FLVCR2: variants seen among roughly 807,000 people sequenced by gnomAD.
FLVCR2 encodes choline/ethanolamine transporter FLVCR2.
In FLVCR2, 38 loss-of-function variants were observed where a neutral mutation model predicts 48.9. That is an observed-to-expected ratio of 0.78 (90% CI 0.60 to 1.02). FLVCR2 has a LOEUF of 1.02. FLVCR2 is among the 50% of genes least tolerant of loss of function. The pLI, the probability that FLVCR2 is intolerant of heterozygous loss-of-function variation, is 0.00. For missense variants in FLVCR2, 664 were observed against 663.3 expected, an observed-to-expected ratio of 1.00 and a Z score of -0.01; for synonymous variants, 255 against 257.0, an observed-to-expected ratio of 0.99 and a Z score of 0.07.
chr14:75,579,583 T>G lies in FLVCR2; in HGVS notation c.611T>G (p.Val204Gly). The G allele has an allele frequency of 6.2e-7, 1 of 1,613,924 alleles. No individual in the cohort carries two copies. The highest frequency in any genetic ancestry group is 1.6e-4 in the Middle Eastern group (1 of 6,084). ...GGCATGCCCTCCCGCATCGCTTCCG[T>G]CTGGTTCGGGGCTAATGAGGTTTCA... is the stretch of plus-strand genomic sequence containing the variant. ...ILGMPSRIAS[V>G]WFGANEVSTA... The change falls in exon 1 of 10, where the codon GTC becomes GGC. Residue 204 changes from valine to glycine, a missense_variant. Transcript: ENST00000238667.
intron 1 of FLVCR2, chr14:75,605,614 T>G: frequency 6.5e-7 from 1 of 1,536,104 alleles, no homozygotes; most frequent in Admixed American, 2.0e-5. Context: ...TGTAGAAGCG[T>G]GAGACAGGAG....
At chr14:75,642,102 C>A (rs903240924) in intron 9 of FLVCR2, 1 of 604,780 alleles carries the variant, frequency 1.7e-6, no homozygotes, top group Non-Finnish European at 3.0e-6. Flanking sequence ...GCTACCCTTT[C>A]TTGGACTCTT....
chr14:75,595,898 T>G, intron 1 of FLVCR2: 1 of 1,115,116 alleles, frequency 9.0e-7, no homozygotes. Flanking sequence ...ATTGCTTTCT[T>G]GAGGTCTTTT....
At position 75,578,993 on chromosome 14, in the gene FLVCR2, C is replaced by T; in HGVS notation, c.21C>T (p.Asn7=). 6.2e-7 allele frequency: 1 copy of T among 1,614,144 alleles called. No homozygotes were observed. Among genetic ancestry groups the T allele is most frequent in the East Asian group, 2.2e-5 (1 of 44,884 alleles). ...TGGCGATGGTGAATGAAGGTCCCAA[C>T]CAGGAAGAGAGCGATGACACCCCTG... MVNEGP[N]QEESDDTPVP... Residue 7 remains asparagine, a synonymous_variant, in exon 1 of 10, where the codon AAC becomes AAT. Coordinates refer to ENST00000238667, the MANE Select transcript of FLVCR2 (RefSeq NM_017791.3).
intron 1 of FLVCR2, among the ~76,000 whole-genome samples, chr14:75,588,663 G>C (rs1365297711): frequency 1.3e-5 from 2 of 152,152 alleles, no homozygotes; most frequent in African/African-American, 2.4e-5. Context: ...ATTTTTAGGA[G>C]AGATAGGGTT....
Position 75,581,182 on chromosome 14 carries a change from G to A in FLVCR2, c.669+1541G>A, listed in dbSNP as rs528135769. 5.8e-4 allele frequency among the ~76,000 whole-genome samples: 89 copies of A among 152,166 alleles called. 1 individual carries two copies. The highest frequency in any genetic ancestry group is 2.0e-3 in the African/African-American group (83 of 41,498). ...GAATGATTGGTGATGGCCTGGATGC[G>A]GTTTTGTATGAATTGAGAAACTAAA... is the stretch of plus-strand genomic sequence containing the variant. On this transcript the variant is annotated intron_variant, in intron 1 of 9. Transcript: ENST00000238667.
intron 5 of FLVCR2, among the ~76,000 whole-genome samples, chr14:75,637,356 C>A (rs538844694): frequency 6.6e-6 from 1 of 152,316 alleles, no homozygotes; most frequent in Admixed American, 6.5e-5. Flanking sequence ...TGGAGGGTTT[C>A]GTTTGACACA....
At position 75,641,057 on chromosome 14, in the gene FLVCR2, A is replaced by C. The variant is rs566141815; in HGVS notation, c.1338A>C (p.Ala446=). The change falls in exon 7 of 10, where the codon GCA becomes GCC. Residue 446 remains alanine (A), a synonymous_variant. Coordinates refer to ENST00000238667, the MANE Select transcript of FLVCR2 (RefSeq NM_017791.3). ...CCTCCGGCCTCCTCAACATATCTGC[A>C]CAGGTAGAGCTCGTATTTCCTGTTT... ...GISSGLLNIS[A]QVFGIIFTIS... The C allele has an allele frequency of 1.2e-6, 2 of 1,611,828 alleles. No individual in the cohort carries two copies. The highest frequency in any genetic ancestry group is 2.2e-5 in the South Asian group (2 of 91,026).
At chr14:75,588,665 G>A (rs544650740) in intron 1 of FLVCR2, among the ~76,000 whole-genome samples, 2 of 152,272 alleles carry the variant, frequency 1.3e-5, no homozygotes, top group South Asian at 4.1e-4. Flanking sequence ...TTTTAGGAGA[G>A]ATAGGGTTTC....
chr14:75,609,861 A>T (rs1889393522), intron 1 of FLVCR2, among the ~76,000 whole-genome samples: 1 of 144,956 alleles, frequency 6.9e-6, no homozygotes, highest in African/African-American at 2.5e-5. Flanking sequence ...GGGCTGTTTT[A>T]TCTGTCAAAG....
rs554850235 is a variant in FLVCR2 at position 75,637,459 on chromosome 14, G to A, written c.1125-1893G>A. ...TTAAAGATTTTGGCCAGGTGCGGTG[G>A]CTCACGCCTGTAATCCCAGCACTTT... On this transcript the variant is annotated intron_variant, in intron 5 of 9. Transcript: ENST00000238667. 2.6e-5 allele frequency among the ~76,000 whole-genome samples: 4 copies of A among 152,312 alleles called. No homozygotes were observed. In the East Asian group the frequency reaches 5.8e-4, roughly 22 times the overall value.
chr14:75,627,259 A>C (rs1889922706), intron 3 of FLVCR2, among the ~76,000 whole-genome samples: 1 of 151,374 alleles, frequency 6.6e-6, no homozygotes, highest in Non-Finnish European at 1.5e-5. Flanking sequence ...ATAAATAGGA[A>C]AGCACTTCTT....
At position 75,581,458 on chromosome 14, in the gene FLVCR2, G is replaced by A. The variant is rs529435088; in HGVS notation, c.669+1817G>A. Among the ~76,000 whole-genome samples, 552 of 152,254 alleles carry A rather than the reference G, an allele frequency of 3.6e-3. 2 individuals carry two copies. Among genetic ancestry groups the A allele is most frequent in the Non-Finnish European group, 5.9e-3 (404 of 68,026 alleles). On this transcript the variant is annotated intron_variant, in intron 1 of 9. Coordinates refer to ENST00000238667, the MANE Select transcript of FLVCR2 (RefSeq NM_017791.3). ...CCATTCTACCTTTCTTGAAGATTGA[G>A]GACGGTAAGGGGTATGAAGGTTTTA...
At chr14:75,626,361 T>C (rs1041814935) in intron 3 of FLVCR2, among the ~76,000 whole-genome samples, 1 of 151,978 alleles carries the variant, frequency 6.6e-6, no homozygotes, top group South Asian at 2.1e-4. Flanking sequence ...CAGAGTTTCA[T>C]TTTAGGCTCA....
At chr14:75,583,528 G>T (rs762356662) in intron 1 of FLVCR2, among the ~76,000 whole-genome samples, 1 of 152,094 alleles carries the variant, frequency 6.6e-6, no homozygotes, top group South Asian at 2.1e-4. Flanking sequence ...GGGTTAAGGT[G>T]GGGGGATACG....
Position 75,639,386 on chromosome 14 carries a change from G to A in FLVCR2, c.1159G>A (p.Val387Met). 6.2e-7 allele frequency: 1 copy of A among 1,614,010 alleles called. No individual in the cohort carries two copies. Among genetic ancestry groups the A allele is most frequent in the East Asian group, 2.2e-5 (1 of 44,892 alleles). The change falls in exon 6 of 10, where the codon GTG becomes ATG. Residue 387 changes from valine (V) to methionine (M), a missense_variant. By Grantham distance (21) the Val-to-Met change is conservative. Coordinates refer to ENST00000238667, the MANE Select transcript of FLVCR2 (RefSeq NM_017791.3). Reference sequence around the variant, plus strand: ...CCTGGTAGTCTATATCATGACACTGGTGGGCATGGTGGTGTACACGTTTAC... The same window carrying A: ...CCTGGTAGTCTATATCATGACACTGATGGGCATGGTGGTGTACACGTTTAC... Reference protein sequence around the residue: ...TTLVVYIMTLVGMVVYTFTLN... With the variant: ...TTLVVYIMTLMGMVVYTFTLN...
At chr14:75,603,463 G>A (rs111601709) in intron 1 of FLVCR2, among the ~76,000 whole-genome samples, 5,981 of 152,234 alleles carry the variant, frequency 0.039, 238 homozygotes, top group African/African-American at 0.1. Flanking sequence ...TGCTCCATCT[G>A]CTTTCCAGCT....
At chr14:75,611,826 A>G (rs539144788) in intron 1 of FLVCR2, among the ~76,000 whole-genome samples, 111 of 152,232 alleles carry the variant, frequency 7.3e-4, no homozygotes, top group Non-Finnish European at 1.4e-3. Context: ...TTGTGAGGGC[A>G]TAGATGAAAT....
chr14:75,616,057 G>A (rs1889609351), intron 1 of FLVCR2, among the ~76,000 whole-genome samples: 2 of 83,334 alleles, frequency 2.4e-5, no homozygotes, highest in Admixed American at 1.5e-4. Flanking sequence ...AATAGCGTAA[G>A]TCCAGTTATG....
Sources: gnomAD v4.1 joint callset for allele counts (sites outside exome capture counted in the v4.1 genomes callset) on GRCh38, gnomAD v4.1.1 for gene constraint, MANE v1.5 for transcripts, NCBI Gene and HGNC (gene_info 2026-07-23, HGNC 2026-07-21) for gene names.